CECR2: variants seen among roughly 807,000 people sequenced by gnomAD.
CECR2 encodes chromatin remodeling regulator CECR2.
CECR2 carries 30 observed loss-of-function variants against 154.5 expected under a neutral mutation model. The ratio of observed to expected loss-of-function variants is 0.19; its 90% CI spans 0.15 to 0.26. The LOEUF (loss-of-function observed/expected upper bound fraction) is 0.26. CECR2 is among the 10% of genes least tolerant of loss of function. CECR2 has a pLI of 1.00. For missense variants in CECR2, 1,743 were observed against 1,829.3 expected, an observed-to-expected ratio of 0.95 and a Z score of 0.86; for synonymous variants, 725 against 683.7, an observed-to-expected ratio of 1.06 and a Z score of -0.94.
At chr22:17,400,435 G>T (rs2053874783) in intron 1 of CECR2, among the ~76,000 whole-genome samples, 1 of 152,152 alleles carries the variant, frequency 6.6e-6, no homozygotes, top group Non-Finnish European at 1.5e-5. Context: ...ATGCTTGCTG[G>T]GTGTTGAATA....
intron 1 of CECR2, among the ~76,000 whole-genome samples, chr22:17,448,873 A>G (rs2054720285): frequency 6.6e-6 from 1 of 150,830 alleles, no homozygotes; most frequent in Non-Finnish European, 1.5e-5. Flanking sequence ...TTTTTTATTT[A>G]TTTATTATTT....
chr22:17,381,896 TG>T (rs1236581384), intron 1 of CECR2, among the ~76,000 whole-genome samples: 2 of 147,608 alleles, frequency 1.4e-5, no homozygotes, highest in Non-Finnish European at 3.0e-5. Context: ...TTTTTTTTTT[TG>T]TTTTTTTTGA....
chr22:17,532,552 T>C lies in CECR2; in HGVS notation c.1109-4551T>C, dbSNP rs144405715. On this transcript the variant is annotated intron_variant, in intron 9 of 18. Transcript: ENST00000262608. The stretch of plus-strand genomic sequence containing the variant: ...TTTCCTCTATTGTTTCCATTTAATA[T>C]TGTATTGTAAGGATTTAGTGTCTAC... Among the ~76,000 whole-genome samples the C allele has an allele frequency of 2.2e-4, 33 of 152,198 alleles. No homozygotes were observed. The South Asian group carries it at 3.3e-3, about 15-fold the overall frequency.
At chr22:17,400,928 TTTGTTG>T (rs149065666) in intron 1 of CECR2, among the ~76,000 whole-genome samples, 2 of 151,910 alleles carry the variant, frequency 1.3e-5, no homozygotes, top group African/African-American at 4.8e-5. Flanking sequence ...TTTTTTGACT[TTTGTTG>T]TTGTTGTTGT....
intron 2 of CECR2, among the ~76,000 whole-genome samples, chr22:17,495,741 A>G (rs528555663): frequency 6.6e-6 from 1 of 151,322 alleles, no homozygotes; most frequent in South Asian, 2.1e-4. Flanking sequence ...AGGCGCCTGT[A>G]GTCCCAGCTA....
At chr22:17,507,059 A>C (rs2055860686) in intron 7 of CECR2, among the ~76,000 whole-genome samples, 2 of 152,248 alleles carry the variant, frequency 1.3e-5, no homozygotes, top group African/African-American at 4.8e-5. Flanking sequence ...AGGACCAGAA[A>C]TATTTGACCA....
At chr22:17,522,591 G>C (rs914962630) in intron 8 of CECR2, among the ~76,000 whole-genome samples, 2 of 152,170 alleles carry the variant, frequency 1.3e-5, no homozygotes, top group Non-Finnish European at 2.9e-5. Context: ...CACCTTATGG[G>C]TACAGTGTTA....
chr22:17,365,845 G>A (rs1188846599), upstream of CECR2, among the ~76,000 whole-genome samples: 5 of 151,286 alleles, frequency 3.3e-5, no homozygotes, highest in African/African-American at 1.2e-4. Context: ...GGACAACAAA[G>A]GGAGACCCCC....
intron 7 of CECR2, among the ~76,000 whole-genome samples, chr22:17,510,094 G>T (rs1394924214): frequency 6.6e-6 from 1 of 152,128 alleles, no homozygotes; most frequent in Admixed American, 6.5e-5. Context: ...ATTGACTAAG[G>T]GTATAGATGG....
intron 1 of CECR2, among the ~76,000 whole-genome samples, chr22:17,391,716 TTATTTTGAAA>T (rs2063328103): frequency 1.3e-5 from 2 of 152,176 alleles, no homozygotes; most frequent in African/African-American, 2.4e-5. Context: ...TGATCACATA[TTATTTTGAAA>T]TCAAAGTATA....
At chr22:17,365,538 CAA>C (rs369340247), upstream of CECR2, among the ~76,000 whole-genome samples, 3 of 150,388 alleles carry the variant, frequency 2.0e-5, no homozygotes, top group Non-Finnish European at 3.0e-5. Context: ...ACTAAAAATA[CAA>C]AAAAAATCAG....
intron 7 of CECR2, 42 bp downstream of exon 7, chr22:17,505,058 T>C (rs2055813683): frequency 4.4e-6 from 7 of 1,576,456 alleles, no homozygotes; most frequent in Non-Finnish European, 6.1e-6. Context: ...GTGTTAGGCC[T>C]GATGCTGCAT....
chr22:17,520,098 A>C (rs1270496512), intron 8 of CECR2, among the ~76,000 whole-genome samples: 1 of 152,134 alleles, frequency 6.6e-6, no homozygotes, highest in Non-Finnish European at 1.5e-5. Context: ...CAGATTATCA[A>C]GTCTTGAGTG....
At chr22:17,496,510 A>C (rs1159208330) in intron 2 of CECR2, among the ~76,000 whole-genome samples, 1 of 149,276 alleles carries the variant, frequency 6.7e-6, no homozygotes, top group African/African-American at 2.5e-5. Flanking sequence ...AAAAAAAAAA[A>C]GAAAGAAAGA....
chr22:17,433,832 TA>T (rs1569079625), intron 1 of CECR2, among the ~76,000 whole-genome samples: 1 of 152,110 alleles, frequency 6.6e-6, no homozygotes, highest in Non-Finnish European at 1.5e-5. Flanking sequence ...TTGGTTCTTT[TA>T]GGGGGAGGTG....
Position 17,421,614 on chromosome 22 carries a change from C to CAAAAAAAAA in CECR2, c.126+51726_126+51734dup, listed in dbSNP as rs34156323. On this transcript the variant is annotated intron_variant, in intron 1 of 18. Coordinates refer to ENST00000262608, the MANE Select transcript of CECR2 (RefSeq NM_001290047.2). Reference sequence around the variant, plus strand: ...TGGGCGACAGAGCGAGACTCCGTCTCAAAAAAAAAAAAAAAAAAAAAAAAA... The same window carrying CAAAAAAAAA: ...TGGGCGACAGAGCGAGACTCCGTCTCAAAAAAAAAAAAAAAAAAAAAAAAAAAAAAAAAA... Among the ~76,000 whole-genome samples, 60 of 23,378 alleles carry CAAAAAAAAA rather than the reference C, an allele frequency of 2.6e-3. 3 individuals are homozygous for CAAAAAAAAA. Among genetic ancestry groups the CAAAAAAAAA allele is most frequent in the African/African-American group, 8.3e-3 (50 of 6,024 alleles). 15.3% of individuals were successfully genotyped at this position (23,378 alleles called of 152,430 possible). A position where few individuals can be genotyped will look rare whatever the true frequency, so the allele number is the denominator to read the frequency against.
At chr22:17,543,409 C>T (rs992027630) in intron 16 of CECR2, among the ~76,000 whole-genome samples, 1 of 151,956 alleles carries the variant, frequency 6.6e-6, no homozygotes, top group African/African-American at 2.4e-5. Context: ...ACTGGGATTA[C>T]AGGCCCACCG....
chr22:17,505,105 C>T lies in CECR2; in HGVS notation c.870+89C>T, dbSNP rs2055814655. The T allele has an allele frequency of 5.5e-6, 7 of 1,284,220 alleles. No homozygotes were observed. The Admixed American group carries it at 9.0e-5, about 17-fold the overall frequency. 79.6% of individuals were successfully genotyped at this position (1,284,220 alleles called of 1,614,324 possible). ...TATTCATGAGACCTTCCCCATACAC[C>T]CCACTGTCCTGGAAATAGTGCAGTC... On this transcript the variant is annotated intron_variant, in intron 7 of 18. Coordinates refer to ENST00000262608, the MANE Select transcript of CECR2 (RefSeq NM_001290047.2).
At position 17,548,383 on chromosome 22, in the gene CECR2, C is replaced by T. The variant is rs148265651; in HGVS notation, c.3096C>T (p.Pro1032=). ...KNPWPSDSSY[P]GPAAQGCVRD... is the part of the protein sequence containing the mutation. ...CCTGGCCCTCGGATAGCAGCTACCC[C>T]GGCCCAGCCGCCCAAGGGTGCGTGA... Residue 1032 remains proline, a synonymous_variant, in exon 17 of 19, where the codon CCC becomes CCT. Transcript: ENST00000262608. 163 of 1,613,418 alleles carry T rather than the reference C, an allele frequency of 1.0e-4. No individual in the cohort carries two copies. The highest frequency in any genetic ancestry group is 1.3e-4 in the Non-Finnish European group (152 of 1,179,590).
Sources: gnomAD v4.1 joint callset for allele counts (sites outside exome capture counted in the v4.1 genomes callset) on GRCh38, gnomAD v4.1.1 for gene constraint, MANE v1.5 for transcripts, NCBI Gene and HGNC (gene_info 2026-07-23, HGNC 2026-07-21) for gene names.